Variants in PDE4B observed in about 807,000 individuals in gnomAD.
The protein encoded by PDE4B is phosphodiesterase 4B.
A neutral mutation model predicts 82.2 loss-of-function variants in PDE4B; 20 were observed. That is an observed-to-expected ratio of 0.24 (90% CI 0.17 to 0.35). PDE4B has a LOEUF of 0.35. Ranked by LOEUF, PDE4B falls within the 10% of genes least tolerant of loss-of-function variation. PDE4B has a pLI of 1.00. For synonymous variants in PDE4B, 320 were observed against 318.9 expected, an observed-to-expected ratio of 1.00 and a Z score of -0.04; for missense variants, 655 against 907.2, an observed-to-expected ratio of 0.72 and a Z score of 3.57.
intron 3 of PDE4B, chr1:66,112,870 A>C (rs142604468): frequency 6.6e-6 from 1 of 152,398 alleles, no homozygotes; most frequent in Admixed American, 6.5e-5. Context: ...GACTATCCCA[A>C]GATACCACAA....
At chr1:66,014,839 T>G (rs555867686) in intron 3 of PDE4B, among the ~76,000 whole-genome samples, 2 of 152,050 alleles carry the variant, frequency 1.3e-5, no homozygotes, top group African/African-American at 4.8e-5. Flanking sequence ...AATAAACAGC[T>G]CCCTAAAGCA....
At chr1:65,881,592 T>A (rs1646709369) in intron 1 of PDE4B, among the ~76,000 whole-genome samples, 1 of 152,196 alleles carries the variant, frequency 6.6e-6, no homozygotes, top group African/African-American at 2.4e-5. Context: ...TGGCTGATTG[T>A]TATAAAGATT....
At position 66,372,961 on chromosome 1, in the gene PDE4B, CTG is replaced by C. The variant is rs548721471; in HGVS notation, c.*284_*285del. 9.0e-4 allele frequency: 309 copies of C among 343,296 alleles called. 2 individuals are homozygous for C. In the East Asian group the frequency reaches 0.014, roughly 16 times the overall value. 21.3% of individuals were successfully genotyped at this position (343,296 alleles called of 1,614,324 possible). On this transcript the variant is annotated 3_prime_UTR_variant, in exon 17 of 17. Transcript: ENST00000341517. ...TGGCTTGAAAATGGAAGACACAAAACTGAGAGATCATTCTGCACTAAGTTTCG... is the reference window on the plus strand; with the variant it reads ...TGGCTTGAAAATGGAAGACACAAAACAGAGATCATTCTGCACTAAGTTTCG...
At chr1:66,067,593 T>A (rs1302705774) in intron 3 of PDE4B, among the ~76,000 whole-genome samples, 2 of 152,128 alleles carry the variant, frequency 1.3e-5, no homozygotes, top group African/African-American at 4.8e-5. Context: ...TATTAGCCGT[T>A]TGTCAGATGA....
intron 3 of PDE4B, among the ~76,000 whole-genome samples, chr1:66,108,177 A>G (rs991961158): frequency 1.3e-5 from 2 of 151,892 alleles, no homozygotes; most frequent in African/African-American, 2.4e-5. Context: ...CTCCTGTTTA[A>G]CTGAAATTTT....
At chr1:66,015,956 T>C (rs1318338807) in intron 3 of PDE4B, among the ~76,000 whole-genome samples, 1 of 152,188 alleles carries the variant, frequency 6.6e-6, no homozygotes, top group African/African-American at 2.4e-5. Context: ...GGCACCATTA[T>C]AGGGCTAGGC....
chr1:66,287,780 C>A (rs1656785493), intron 7 of PDE4B, among the ~76,000 whole-genome samples: 2 of 152,024 alleles, frequency 1.3e-5, no homozygotes, highest in South Asian at 2.1e-4. Context: ...GCAGCCTGGG[C>A]AACATAACAA....
chr1:65,960,035 T>C (rs552994305), intron 3 of PDE4B, among the ~76,000 whole-genome samples: 5 of 152,280 alleles, frequency 3.3e-5, no homozygotes, highest in South Asian at 2.1e-4. Flanking sequence ...GTCTAGGCTA[T>C]CTTAACAAAA....
At chr1:65,821,416 G>A (rs2101243368) in intron 1 of PDE4B, among the ~76,000 whole-genome samples, 1 of 152,166 alleles carries the variant, frequency 6.6e-6, no homozygotes, top group Admixed American at 6.5e-5. Context: ...CAAGTTCTTT[G>A]CACATTTTCC....
At chr1:65,991,809 A>G (rs1055770908) in intron 3 of PDE4B, among the ~76,000 whole-genome samples, 1 of 152,200 alleles carries the variant, frequency 6.6e-6, no homozygotes, top group Non-Finnish European at 1.5e-5. Context: ...ACAAGCATAC[A>G]GTATCTTGTA....
rs529626390 is a variant in PDE4B at position 66,341,365 on chromosome 1, C to G, written c.747+8745C>G. On this transcript the variant is annotated intron_variant, in intron 8 of 16. Transcript: ENST00000341517. ...GTTTGAGAAAGACATGGGACATTCT[C>G]TCTTTTGTTTACATTGACTTTTAGA... 3.0e-4 allele frequency among the ~76,000 whole-genome samples: 46 copies of G among 152,300 alleles called. 1 individual carries two copies. The highest frequency in any genetic ancestry group is 1.1e-3 in the African/African-American group (44 of 41,568).
intron 4 of PDE4B, among the ~76,000 whole-genome samples, chr1:66,250,319 C>G (rs1653663600): frequency 6.6e-6 from 1 of 152,146 alleles, no homozygotes; most frequent in Non-Finnish European, 1.5e-5. Context: ...GACCTCATAC[C>G]CAGCACAGAG....
chr1:65,910,622 C>T (rs1432397957), intron 1 of PDE4B, among the ~76,000 whole-genome samples: 1 of 152,110 alleles, frequency 6.6e-6, no homozygotes, highest in Non-Finnish European at 1.5e-5. Flanking sequence ...CTATGAAATA[C>T]CAGGAGGCTA....
At chr1:65,876,213 A>G (rs1210985131) in intron 1 of PDE4B, among the ~76,000 whole-genome samples, 1 of 151,952 alleles carries the variant, frequency 6.6e-6, no homozygotes, top group Non-Finnish European at 1.5e-5. Context: ...TTTTCTCACT[A>G]CTCACCAATA....
chr1:66,360,230 T>C (rs1168945041), intron 9 of PDE4B, among the ~76,000 whole-genome samples: 2 of 152,004 alleles, frequency 1.3e-5, no homozygotes, highest in African/African-American at 2.4e-5. Flanking sequence ...GGCTTGTGAG[T>C]GTAGGAGCTT....
intron 3 of PDE4B, among the ~76,000 whole-genome samples, chr1:66,139,462 C>T (rs1646124829): frequency 6.6e-6 from 1 of 152,182 alleles, no homozygotes; most frequent in Non-Finnish European, 1.5e-5. Context: ...TTCCACATCG[C>T]TCTCCCTCCA....
intron 1 of PDE4B, among the ~76,000 whole-genome samples, chr1:65,871,890 A>G (rs1156332587): frequency 6.6e-6 from 1 of 152,178 alleles, no homozygotes; most frequent in Non-Finnish European, 1.5e-5. Context: ...TTTGAATATG[A>G]TTTTCAACTC....
intron 3 of PDE4B, among the ~76,000 whole-genome samples, chr1:66,143,866 AGATGTCTTGTGGG>A (rs1646220613): frequency 2.0e-4 from 31 of 152,228 alleles, no homozygotes; most frequent in Admixed American, 1.7e-3. Flanking sequence ...CCACGATGGC[AGATGTCTTGTGGG>A]CAGATGTCTT....
At chr1:65,883,040 T>C (rs1456707094) in intron 1 of PDE4B, among the ~76,000 whole-genome samples, 1 of 152,192 alleles carries the variant, frequency 6.6e-6, no homozygotes, top group Non-Finnish European at 1.5e-5. Flanking sequence ...TGAGCTTCAT[T>C]TGCCCACCTT....
Sources: gnomAD v4.1 joint callset for allele counts (sites outside exome capture counted in the v4.1 genomes callset) on GRCh38, gnomAD v4.1.1 for gene constraint, MANE v1.5 for transcripts, NCBI Gene and HGNC (gene_info 2026-07-23, HGNC 2026-07-21) for gene names.